The following CIMIP7 variants were observed in gnomAD, a reference collection of about 807,000 sequenced individuals.
CIMIP7 encodes uncharacterized protein C3orf84.
the CIMIP7 span, among the ~76,000 whole-genome samples, chr3:49,182,614 C>T: frequency 3.9e-5 from 6 of 152,230 alleles, no homozygotes; most frequent in South Asian, 2.1e-4. Flanking sequence ...CAGTGGATCC[C>T]GCACTGGGGC....
At chr3:49,189,261 A>T in the CIMIP7 span, among the ~76,000 whole-genome samples, 9 of 147,980 alleles carry the variant, frequency 6.1e-5, no homozygotes, top group Non-Finnish European at 1.2e-4. Flanking sequence ...GAGCCACCGC[A>T]CCTTGCCTAT....
At chr3:49,183,953 G>T in the CIMIP7 span, among the ~76,000 whole-genome samples, 1 of 152,198 alleles carries the variant, frequency 6.6e-6, no homozygotes, top group Non-Finnish European at 1.5e-5. Context: ...AGGAAATTAT[G>T]CTGCAAAAAT....
At chr3:49,191,642 G>T in the CIMIP7 span, 3 of 1,318,724 alleles carry the variant, frequency 2.3e-6, no homozygotes, top group East Asian at 2.3e-5. Flanking sequence ...ATTCCAGGTT[G>T]GATGCCAAAT....
At chr3:49,180,642 C>T in the CIMIP7 span, among the ~76,000 whole-genome samples, 36 of 149,602 alleles carry the variant, frequency 2.4e-4, no homozygotes, top group Non-Finnish European at 4.8e-4. Flanking sequence ...TAAGAGTTCC[C>T]TTTTTAGGCC....
the CIMIP7 span, chr3:49,191,704 A>T: frequency 1.3e-6 from 2 of 1,589,996 alleles, no homozygotes; most frequent in Non-Finnish European, 1.7e-6. Flanking sequence ...AGGTACAACC[A>T]GAGGGCCAGG....
the CIMIP7 span, chr3:49,178,640 C>T: frequency 1.1e-6 from 1 of 936,500 alleles, no homozygotes; most frequent in Non-Finnish European, 1.7e-6. Flanking sequence ...GGGAAGTCAC[C>T]AGGAGCCACT....
the CIMIP7 span, among the ~76,000 whole-genome samples, chr3:49,180,846 C>T: frequency 4.4e-4 from 62 of 142,232 alleles, no homozygotes; most frequent in Non-Finnish European, 8.3e-4. Context: ...AGGAGAATGG[C>T]GTGAACCCGG....
chr3:49,183,830 T>C, the CIMIP7 span, among the ~76,000 whole-genome samples: 2 of 152,188 alleles, frequency 1.3e-5, no homozygotes, highest in Non-Finnish European at 2.9e-5. Context: ...AGGTCAGATA[T>C]CCTTTAACAG....
the CIMIP7 span, among the ~76,000 whole-genome samples, chr3:49,191,267 G>A: frequency 1.5e-3 from 224 of 152,294 alleles, no homozygotes; most frequent in African/African-American, 4.8e-3. Context: ...CACTGAAGAC[G>A]TGGATCACTT....
the CIMIP7 span, chr3:49,191,533 G>A: frequency 1.5e-6 from 1 of 685,254 alleles, no homozygotes; most frequent in Non-Finnish European, 2.7e-6. Context: ...GCTTTCAGGA[G>A]ACCATGATGC....
chr3:49,184,828 C>G, the CIMIP7 span, among the ~76,000 whole-genome samples: 6 of 151,248 alleles, frequency 4.0e-5, no homozygotes, highest in South Asian at 1.3e-3. Flanking sequence ...TGGGGTTTCA[C>G]TATGTTGGCC....
chr3:49,182,002 T>C, the CIMIP7 span, among the ~76,000 whole-genome samples: 1 of 152,214 alleles, frequency 6.6e-6, no homozygotes, highest in Admixed American at 6.5e-5. Flanking sequence ...CGGTGAGTGT[T>C]ACAGCTCTTC....
chr3:49,177,819 C>A, the CIMIP7 span: 1 of 1,612,844 alleles, frequency 6.2e-7, no homozygotes, highest in Non-Finnish European at 8.5e-7. Flanking sequence ...AGCAGAAGTT[C>A]TGCTGGTAGG....
At chr3:49,182,094 T>C in the CIMIP7 span, among the ~76,000 whole-genome samples, 1 of 152,132 alleles carries the variant, frequency 6.6e-6, no homozygotes, top group Non-Finnish European at 1.5e-5. Flanking sequence ...CAGACCTTCG[T>C]GGTGAGTGTT....
the CIMIP7 span, among the ~76,000 whole-genome samples, chr3:49,188,652 G>A: frequency 1.3e-5 from 2 of 152,112 alleles, no homozygotes; most frequent in African/African-American, 4.8e-5. Context: ...GGGCTCAGTA[G>A]TACTAACCAC....
At chr3:49,181,822 G>C in the CIMIP7 span, among the ~76,000 whole-genome samples, 1 of 152,174 alleles carries the variant, frequency 6.6e-6, no homozygotes, top group Admixed American at 6.5e-5. Flanking sequence ...TGGGTTCTTC[G>C]TCTCACTGAC....
chr3:49,178,850 T>C, the CIMIP7 span, among the ~76,000 whole-genome samples: 1 of 152,174 alleles, frequency 6.6e-6, no homozygotes, highest in Non-Finnish European at 1.5e-5. Flanking sequence ...AAGTTGGGCC[T>C]TAACTCTTGA....
the CIMIP7 span, among the ~76,000 whole-genome samples, chr3:49,187,626 G>GA: frequency 0.073 from 10,975 of 149,706 alleles, 1,309 homozygotes; most frequent in African/African-American, 0.25. Flanking sequence ...GAAAAAAAAT[G>GA]AAAAAAAAAC....
At chr3:49,189,790 G>T in the CIMIP7 span, 1 of 671,900 alleles carries the variant, frequency 1.5e-6, no homozygotes, top group South Asian at 1.4e-5. Context: ...CCCCGGCTAG[G>T]CCCTTACCCT....
Sources: gnomAD v4.1 joint callset for allele counts (sites outside exome capture counted in the v4.1 genomes callset) on GRCh38, gnomAD v4.1.1 for gene constraint, MANE v1.5 for transcripts, NCBI Gene and HGNC (gene_info 2026-07-23, HGNC 2026-07-21) for gene names.